Variants in ABCE1 observed in about 807,000 individuals in gnomAD.
ABCE1 encodes ATP binding cassette subfamily E member 1.
In ABCE1, 22 loss-of-function variants were observed where a neutral mutation model predicts 83.4. That is an observed-to-expected ratio of 0.26 (90% CI 0.19 to 0.38). The LOEUF (loss-of-function observed/expected upper bound fraction) is 0.38, where lower values mean the gene tolerates loss of function less well. ABCE1 is among the 10% of genes least tolerant of loss of function. The pLI, the probability that ABCE1 is intolerant of heterozygous loss-of-function variation, is 1.00. For missense variants in ABCE1, 330 were observed against 721.9 expected (o/e 0.46, Z 6.22); for synonymous variants, 204 against 233.7 (o/e 0.87, Z 1.16).
chr4:145,127,438 C>A, intron 17 of ABCE1, 88 bp from the exon 18 acceptor site: 1 of 1,192,108 alleles, frequency 8.4e-7, no homozygotes, highest in Non-Finnish European at 1.2e-6. Context: ...GTTTTAAGCA[C>A]AGCTAAGTAA....
intron 11 of ABCE1, 121 bp downstream of exon 11, chr4:145,120,274 AC>A: frequency 2.4e-6 from 2 of 822,052 alleles, no homozygotes; most frequent in Non-Finnish European, 1.9e-6. Context: ...TTTTATTTAA[AC>A]CCACAAATTT....
At chr4:145,122,009 CA>C (rs1749760386) in intron 13 of ABCE1, 1 of 152,182 alleles carries the variant, frequency 6.6e-6, no homozygotes, top group South Asian at 2.1e-4. Flanking sequence ...GAAACATTTG[CA>C]CATCATATAT....
Position 145,110,098 on chromosome 4 carries a change from T to TC in ABCE1, c.406-5_406-4insC, listed in dbSNP as rs1180946549. The TC allele has an allele frequency of 6.4e-7, 1 of 1,557,008 alleles. No individual in the cohort carries two copies. The highest frequency in any genetic ancestry group is 8.6e-7 in the Non-Finnish European group (1 of 1,159,784). On this transcript the variant is annotated splice_polypyrimidine_tract_variant and splice_region_variant and intron_variant, in intron 5 of 17. Transcript: ENST00000296577. ...CATGATTCTGTATTTTTTTTTTTTT[T>TC]TTAGGATCCTCCTGACTGGCAGGAG...
intron 1 of ABCE1, among the ~76,000 whole-genome samples, chr4:145,101,679 A>G (rs542992807): frequency 6.6e-6 from 1 of 152,342 alleles, no homozygotes; most frequent in East Asian, 1.9e-4. Flanking sequence ...GATGTTTTAT[A>G]GCTTCAGTGG....
intron 8 of ABCE1, 22 bp from the exon 9 acceptor site, chr4:145,112,216 CT>C (rs4148239): frequency 0.16 from 170,088 of 1,084,036 alleles, 288 homozygotes; most frequent in Middle Eastern, 0.18. Flanking sequence ...CTTATATTTG[CT>C]TTTTTTTTTT....
rs192352108 is a variant in ABCE1, at chr4:145,128,544, C to T, written c.*971C>T. Reference sequence around the variant, plus strand: ...GGCAATACAAAGTATCCCCTGGTACCACATATATTCATTTGTGAGTTTGGA... The same window carrying T: ...GGCAATACAAAGTATCCCCTGGTACTACATATATTCATTTGTGAGTTTGGA... On this transcript the variant is annotated 3_prime_UTR_variant, in exon 18 of 18. Coordinates refer to ENST00000296577, the MANE Select transcript of ABCE1 (RefSeq NM_002940.3). 9 of 152,180 alleles carry T rather than the reference C, an allele frequency of 5.9e-5. No homozygotes were observed. The highest frequency in any genetic ancestry group is 1.2e-4 in the African/African-American group (5 of 41,512). The allele number at this position is 152,180 out of a possible 1,614,324, so 9.4% of individuals were successfully genotyped here.
intron 3 of ABCE1, 94 bp from the exon 4 acceptor site, chr4:145,107,921 G>A (rs756727001): frequency 2.1e-5 from 19 of 907,092 alleles, no homozygotes; most frequent in Non-Finnish European, 3.0e-5. Context: ...ATCATGTTTA[G>A]AAGATTGCTT....
intron 8 of ABCE1, among the ~76,000 whole-genome samples, chr4:145,111,581 C>T (rs1579214520): frequency 6.6e-6 from 1 of 152,194 alleles, no homozygotes; most frequent in African/African-American, 2.4e-5. Flanking sequence ...CCCACCTCGG[C>T]CTCCCAAAGT....
At chr4:145,108,999 T>C (rs753441411) in intron 4 of ABCE1, 133 bp from the exon 5 acceptor site, 4 of 628,580 alleles carry the variant, frequency 6.4e-6, no homozygotes, top group African/African-American at 1.9e-5. Context: ...GCCAGTAATA[T>C]CTGGCATATG....
chr4:145,121,009 T>C, intron 11 of ABCE1, 165 bp from the exon 12 acceptor site: 1 of 625,626 alleles, frequency 1.6e-6, no homozygotes, highest in East Asian at 2.8e-5. Context: ...ACTTCAGAGG[T>C]GAGCCATGAA....
chr4:145,109,956 A>C (rs1749420278), intron 5 of ABCE1, 147 bp from the exon 6 acceptor site: 1 of 677,268 alleles, frequency 1.5e-6, no homozygotes, highest in Non-Finnish European at 2.3e-6. Context: ...GGGAAATGAG[A>C]CTTTTATTAA....
At chr4:145,104,665 T>C in intron 2 of ABCE1, 150 bp downstream of exon 2, 1 of 514,764 alleles carries the variant, frequency 1.9e-6, no homozygotes, top group South Asian at 5.8e-5. Flanking sequence ...TTGTTCTAAA[T>C]TTCTTTTATT....
chr4:145,106,939 CG>C (rs1749320568), intron 3 of ABCE1, among the ~76,000 whole-genome samples: 1 of 152,048 alleles, frequency 6.6e-6, no homozygotes, highest in Non-Finnish European at 1.5e-5. Context: ...TCTCTAAACA[CG>C]GAAACTTAGA....
In ABCE1 at chr4:145,112,219, T is replaced by C; in HGVS notation, c.711-20T>C. The C allele has an allele frequency of 1.8e-6, 2 of 1,114,158 alleles. No homozygotes were observed. Among genetic ancestry groups the C allele is most frequent in the Middle Eastern group, 2.2e-4 (1 of 4,470 alleles). The allele number at this position is 1,114,158 out of a possible 1,614,324, so 69.0% of individuals were successfully genotyped here. A position where few individuals can be genotyped will look rare whatever the true frequency, so the allele number is the denominator to read the frequency against. On this transcript the variant is annotated intron_variant, in intron 8 of 17. Coordinates refer to ENST00000296577, the MANE Select transcript of ABCE1 (RefSeq NM_002940.3). ...TTGTCTTTCAAACTTATATTTGCTT[T>C]TTTTTTTTTTTTTTCATAGTTTCAT...
intron 1 of ABCE1, among the ~76,000 whole-genome samples, chr4:145,099,249 G>A (rs1436941421): frequency 1.3e-5 from 2 of 152,124 alleles, no homozygotes; most frequent in Non-Finnish European, 2.9e-5. Context: ...AACTACATAA[G>A]CTTATTTTCT....
At chr4:145,126,174 CA>C (rs1339689422) in intron 17 of ABCE1, among the ~76,000 whole-genome samples, 1 of 152,176 alleles carries the variant, frequency 6.6e-6, no homozygotes, top group Non-Finnish European at 1.5e-5. Context: ...GTGCACCCTA[CA>C]GTTGATTTCC....
chr4:145,125,416 TGAG>T (rs1749853586), intron 17 of ABCE1, among the ~76,000 whole-genome samples: 1 of 152,100 alleles, frequency 6.6e-6, no homozygotes, highest in African/African-American at 2.4e-5. Context: ...TGTAGTGAGC[TGAG>T]ATCATCCCAC....
chr4:145,111,019 T>A lies in ABCE1; in HGVS notation c.665T>A (p.Leu222Ter). 1 of 1,612,702 alleles carries A rather than the reference T, an allele frequency of 6.2e-7. No individual in the cohort carries two copies. The highest frequency in any genetic ancestry group is 8.5e-7 in the Non-Finnish European group (1 of 1,179,526). ...RNVEDLSGGELQRFACAVVCI... is the reference protein window; with the variant it reads ...RNVEDLSGGE ...GTTGAAGATCTTTCAGGAGGAGAGT[T>A]GCAGAGATTTGCTTGTGCTGTCGTT... is the stretch of plus-strand genomic sequence containing the variant. Residue 222 changes from leucine (L) to a stop codon, truncating the protein, a stop_gained, in exon 8 of 18, where the codon TTG becomes TAG. Transcript: ENST00000296577. LOFTEE classifies it high-confidence loss of function.
intron 1 of ABCE1, among the ~76,000 whole-genome samples, chr4:145,100,678 G>A (rs1044089592): frequency 2.0e-5 from 3 of 152,186 alleles, no homozygotes; most frequent in Non-Finnish European, 4.4e-5. Context: ...GTTTTTAGAG[G>A]AATAGAGTCA....
Sources: gnomAD v4.1 joint callset for allele counts (sites outside exome capture counted in the v4.1 genomes callset) on GRCh38, gnomAD v4.1.1 for gene constraint, MANE v1.5 for transcripts, NCBI Gene and HGNC (gene_info 2026-07-23, HGNC 2026-07-21) for gene names.